Variants in ZNF160 observed in about 807,000 individuals in gnomAD.
The protein encoded by ZNF160 is KRAB zinc finger protein KR18.
In ZNF160, 9 loss-of-function variants were observed where a neutral mutation model predicts 13.1. The ratio of observed to expected loss-of-function variants is 0.69; its 90% CI spans 0.41 to 1.20. The LOEUF (loss-of-function observed/expected upper bound fraction) is 1.20, where lower values mean the gene tolerates loss of function less well. Among genes scored for constraint, ZNF160 ranks in the 50% most tolerant of loss-of-function variants. ZNF160 has a pLI of 0.01. For missense variants in ZNF160, 838 were observed against 988.0 expected, an observed-to-expected ratio of 0.85 and a Z score of 2.04; for synonymous variants, 293 against 333.2, an observed-to-expected ratio of 0.88 and a Z score of 1.31.
intron 1 of ZNF160, among the ~76,000 whole-genome samples, chr19:53,098,886 T>G (rs2085338338): frequency 6.6e-6 from 1 of 150,832 alleles, no homozygotes; most frequent in South Asian, 2.1e-4. Flanking sequence ...TTTTCAGGCC[T>G]CAGTGAGGCC....
chr19:53,078,002 G>T (rs1223372824), intron 3 of ZNF160, among the ~76,000 whole-genome samples: 1 of 152,164 alleles, frequency 6.6e-6, no homozygotes, highest in Non-Finnish European at 1.5e-5. Flanking sequence ...AGCACTTTGG[G>T]AGGCTAAGGC....
At chr19:53,086,371 T>C in intron 2 of ZNF160, 50 bp from the exon 3 acceptor site, 1 of 1,483,722 alleles carries the variant, frequency 6.7e-7, no homozygotes, top group Non-Finnish European at 9.0e-7. Flanking sequence ...ATATCCAAAA[T>C]ATGCTGCTTA....
chr19:53,095,183 C>A (rs13343938), intron 1 of ZNF160, among the ~76,000 whole-genome samples: 121 of 139,660 alleles, frequency 8.7e-4, no homozygotes, highest in African/African-American at 3.1e-3. Context: ...CCCCACTGCC[C>A]AGGCCCCGCC....
chr19:53,099,738 A>C (rs2085375526), intron 1 of ZNF160, among the ~76,000 whole-genome samples: 1 of 152,180 alleles, frequency 6.6e-6, no homozygotes. Flanking sequence ...TGTACACCCA[A>C]TTCTGCCAAA....
chr19:53,099,435 T>C (rs1316244427), intron 1 of ZNF160, among the ~76,000 whole-genome samples: 1 of 152,180 alleles, frequency 6.6e-6, no homozygotes, highest in East Asian at 1.9e-4. Flanking sequence ...GCAGGGGCCC[T>C]GGACGCAGGG....
chr19:53,098,299 A>G (rs1345199257), intron 1 of ZNF160, among the ~76,000 whole-genome samples: 3 of 151,930 alleles, frequency 2.0e-5, no homozygotes, highest in Admixed American at 6.6e-5. Context: ...GCCTCACTCC[A>G]CACCTCTAAG....
chr19:53,085,934 A>C, intron 3 of ZNF160: 1 of 1,047,254 alleles, frequency 9.5e-7, no homozygotes, highest in Non-Finnish European at 1.4e-6. Flanking sequence ...CATGGTTTAC[A>C]CAGCGCTGAC....
At chr19:53,086,118 G>A (rs1055214569) in intron 3 of ZNF160, 144 bp downstream of exon 3, 18 of 1,333,928 alleles carry the variant, frequency 1.3e-5, no homozygotes, top group Non-Finnish European at 1.8e-5. Context: ...ATCTAAACGA[G>A]ATGAGAGGGA....
intron 2 of ZNF160, among the ~76,000 whole-genome samples, chr19:53,089,601 C>T (rs2084960978): frequency 6.6e-6 from 1 of 152,138 alleles, no homozygotes; most frequent in South Asian, 2.1e-4. Context: ...AATGCATAGC[C>T]TTATAGACAA....
intron 1 of ZNF160, among the ~76,000 whole-genome samples, chr19:53,098,843 C>A (rs111994470): frequency 0.09 from 12,122 of 134,474 alleles, 515 homozygotes; most frequent in African/African-American, 0.17. Flanking sequence ...GGGGACGCCT[C>A]GGCACTGGCT....
intron 5 of ZNF160, among the ~76,000 whole-genome samples, chr19:53,071,174 C>T (rs552220859): frequency 2.4e-4 from 36 of 151,562 alleles, no homozygotes; most frequent in South Asian, 6.3e-4. Flanking sequence ...CCAACCTGGG[C>T]GACAAAGCAA....
Position 53,066,727 on chromosome 19 carries a change from T to C in ZNF160, c.*1350A>G, listed in dbSNP as rs1225979557. 1 of 152,232 alleles carries C rather than the reference T, an allele frequency of 6.6e-6. No individual in the cohort carries two copies. Among genetic ancestry groups the C allele is most frequent in the East Asian group, 1.9e-4 (1 of 5,202 alleles). 9.4% of individuals were successfully genotyped at this position (152,232 alleles called of 1,614,324 possible). A position where few individuals can be genotyped will look rare whatever the true frequency, so the allele number is the denominator to read the frequency against. ...ATAATGTGAGTTCTACTAAAGAATA[T>C]GTTACTCTACTTCTGTTGATTAAAC... On this transcript the variant is annotated 3_prime_UTR_variant, in exon 6 of 6. Transcript: ENST00000683776.
intron 4 of ZNF160, 146 bp downstream of exon 4, chr19:53,074,911 G>T: frequency 9.5e-7 from 1 of 1,054,692 alleles, no homozygotes; most frequent in Non-Finnish European, 1.4e-6. Context: ...TTAAAGTCCA[G>T]GTTTCCCATG....
In ZNF160 at chr19:53,068,658, A is replaced by G. The variant is rs932783621; in HGVS notation, c.1876T>C (p.Cys626Arg). 1.2e-6 allele frequency: 2 copies of G among 1,613,994 alleles called. No homozygotes were observed. Among genetic ancestry groups the G allele is most frequent in the South Asian group, 1.1e-5 (1 of 91,078 alleles). The change falls in exon 6 of 6, where the codon TGC becomes CGC. Residue 626 changes from cysteine (C) to arginine (R), a missense_variant. This residue lies in a region of ZNF160 where 400 missense variants were observed against 538.9 expected (regional missense o/e 0.74). Transcript: ENST00000683776. ...TGEKPYKCHE[C>R]GKVFRHNSYL... ...GAATTGTGCCTAAAAACCTTGCCGC[A>G]TTCATGACATTTGTAAGGTTTCTCT...
At chr19:53,100,963 T>C (rs932894714) in intron 1 of ZNF160, among the ~76,000 whole-genome samples, 9 of 144,978 alleles carry the variant, frequency 6.2e-5, no homozygotes, top group Non-Finnish European at 1.2e-4. Flanking sequence ...AGCCTGGGCA[T>C]CAGAGTACCT....
chr19:53,077,781 T>C (rs1367465027), intron 3 of ZNF160, among the ~76,000 whole-genome samples: 2 of 151,034 alleles, frequency 1.3e-5, no homozygotes, highest in African/African-American at 2.4e-5. Flanking sequence ...ATATACATTA[T>C]CAAAGAAATA....
intron 2 of ZNF160, among the ~76,000 whole-genome samples, chr19:53,088,681 T>C (rs1407776304): frequency 6.6e-6 from 1 of 152,188 alleles, no homozygotes; most frequent in East Asian, 1.9e-4. Context: ...TTATCATGCA[T>C]TGGAGATCTG....
intron 5 of ZNF160, among the ~76,000 whole-genome samples, chr19:53,071,550 A>C (rs1392759386): frequency 6.6e-6 from 1 of 150,618 alleles, no homozygotes; most frequent in African/African-American, 2.5e-5. Context: ...AAAAAAAAAA[A>C]AAAAAAAAAG....
intron 3 of ZNF160, among the ~76,000 whole-genome samples, chr19:53,084,489 G>A (rs1367892748): frequency 2.6e-5 from 4 of 152,186 alleles, no homozygotes; most frequent in Admixed American, 2.6e-4. Context: ...GAGCCGCCGT[G>A]CTCCGGCCTC....
Sources: allele counts gnomAD v4.1 joint callset (sites outside exome capture counted in the v4.1 genomes callset), GRCh38; gene constraint gnomAD v4.1.1; regional missense constraint gnomAD v4.1.1; transcripts MANE v1.5; gene names NCBI Gene and HGNC (gene_info 2026-07-23, HGNC 2026-07-21).